Variants in LMNTD1 observed in about 807,000 individuals in gnomAD.
The protein encoded by LMNTD1 is lamin tail domain-containing protein 1.
A neutral mutation model predicts 50.9 loss-of-function variants in LMNTD1; 35 were observed. The observed-to-expected ratio is 0.69, with a 90% CI of 0.53 to 0.91. The LOEUF is 0.91. LMNTD1 is among the 40% of genes least tolerant of loss of function. The probability of loss-of-function intolerance (pLI) is 0.00; values close to 1 mark genes in which losing one functional copy is unlikely to be tolerated. For synonymous variants in LMNTD1, 153 were observed against 161.9 expected (o/e 0.94, Z 0.42); for missense variants, 470 against 475.5 (o/e 0.99, Z 0.11).
intron 1 of LMNTD1, among the ~76,000 whole-genome samples, chr12:25,590,190 C>T (rs1383555686): frequency 6.6e-6 from 1 of 152,164 alleles, no homozygotes; most frequent in South Asian, 2.1e-4. Flanking sequence ...TGACACCAAC[C>T]GTCCCCCACT....
At position 25,546,533 on chromosome 12, in the gene LMNTD1, G is replaced by A. The variant is rs367548196; in HGVS notation, c.332C>T (p.Pro111Leu). The change falls in exon 4 of 10, where the codon CCG becomes CTG. Residue 111 changes from proline to leucine, a missense_variant. Coordinates refer to ENST00000458174, the MANE Select transcript of LMNTD1 (RefSeq NM_001145728.2). Reference sequence around the variant, plus strand: ...CATGGGTGATTCATCCTGTTTCTTCGGAACTGAGAAGGGGCTGGCATCTTT... The same window carrying A: ...CATGGGTGATTCATCCTGTTTCTTCAGAACTGAGAAGGGGCTGGCATCTTT... The part of the protein sequence containing the change: ...NSLDASPFSV[P>L]KKQDESPMIG... 8 of 1,559,068 alleles carry A rather than the reference G, an allele frequency of 5.1e-6. No homozygotes were observed. The highest frequency in any genetic ancestry group is 4.1e-5 in the African/African-American group (3 of 72,586).
rs545257202 is a variant in LMNTD1 at position 25,544,020 on chromosome 12, A to G, written c.491+2354T>C. ...GAGAGTCTATTCAGGAAAATGTTCCACGTGCTGATGAAAAGAATGTATATT... is the reference window on the plus strand; with the variant it reads ...GAGAGTCTATTCAGGAAAATGTTCCGCGTGCTGATGAAAAGAATGTATATT... On this transcript the variant is annotated intron_variant, in intron 4 of 9. Transcript: ENST00000458174. Among the ~76,000 whole-genome samples, 49 of 152,076 alleles carry G rather than the reference A, an allele frequency of 3.2e-4. No individual in the cohort carries two copies. The Middle Eastern group carries it at 0.027, about 84-fold the overall frequency.
intron 1 of LMNTD1, among the ~76,000 whole-genome samples, chr12:25,580,227 A>G (rs1397763837): frequency 6.6e-6 from 1 of 152,154 alleles, no homozygotes; most frequent in Non-Finnish European, 1.5e-5. Flanking sequence ...GTAGTTTTTC[A>G]TGACCCCCTC....
chr12:25,494,571 A>G (rs1023080738), intron 9 of LMNTD1, among the ~76,000 whole-genome samples: 7 of 152,174 alleles, frequency 4.6e-5, no homozygotes, highest in Admixed American at 4.6e-4. Context: ...TCCAAAGAAT[A>G]TGATTATGAA....
chr12:25,552,873 T>G lies in LMNTD1; in HGVS notation c.87A>C (p.Lys29Asn). The change falls in exon 2 of 10, where the codon AAA becomes AAC. Residue 29 changes from lysine to asparagine, a missense_variant and splice_region_variant. By Grantham distance (94) the Lys-to-Asn change is moderately conservative. Transcript: ENST00000458174. Reference sequence around the variant, plus strand: ...CCATCGCATCTATGCATGCTCACTGTTTTTGTTTCTCATTCTTATCTTCCT... The same window carrying G: ...CCATCGCATCTATGCATGCTCACTGGTTTTGTTTCTCATTCTTATCTTCCT... ...HEQEDKNEKQ[K>N]QREDKLGVYS... is the part of the protein sequence containing the mutation. The G allele has an allele frequency of 6.5e-7, 1 of 1,534,814 alleles. No individual in the cohort carries two copies. The highest frequency in any genetic ancestry group is 1.2e-5 in the South Asian group (1 of 83,708).
At chr12:25,611,351 A>C (rs1361953415) in intron 1 of LMNTD1, among the ~76,000 whole-genome samples, 2 of 152,182 alleles carry the variant, frequency 1.3e-5, no homozygotes, top group Non-Finnish European at 2.9e-5. Flanking sequence ...GGATCAAAGG[A>C]AGCCTTTGGT....
At chr12:25,570,192 C>T (rs1944729181) in intron 1 of LMNTD1, among the ~76,000 whole-genome samples, 2 of 152,200 alleles carry the variant, frequency 1.3e-5, no homozygotes, top group Admixed American at 1.3e-4. Context: ...TTCAGGCATG[C>T]TCCTTGGTCT....
chr12:25,559,185 T>C (rs948997184), intron 1 of LMNTD1, among the ~76,000 whole-genome samples: 1 of 152,090 alleles, frequency 6.6e-6, no homozygotes, highest in Non-Finnish European at 1.5e-5. Flanking sequence ...CCTAATGCTA[T>C]ACCTCCCCCC....
intron 1 of LMNTD1, among the ~76,000 whole-genome samples, chr12:25,609,376 G>C (rs185681837): frequency 6.6e-6 from 1 of 152,298 alleles, no homozygotes; most frequent in East Asian, 1.9e-4. Flanking sequence ...CTCGTGAGGA[G>C]CTGCAATCCT....
intron 1 of LMNTD1, among the ~76,000 whole-genome samples, chr12:25,628,462 A>G (rs1298797357): frequency 3.3e-5 from 5 of 152,180 alleles, no homozygotes; most frequent in African/African-American, 1.2e-4. Context: ...CCTTCCAAAC[A>G]TCAGAATTGT....
chr12:25,533,103 C>A (rs995557643), intron 4 of LMNTD1, among the ~76,000 whole-genome samples: 6 of 152,112 alleles, frequency 3.9e-5, no homozygotes, highest in Non-Finnish European at 7.4e-5. Context: ...AATAAATGTT[C>A]TTGTCTGAAG....
intron 1 of LMNTD1, among the ~76,000 whole-genome samples, chr12:25,588,209 A>G (rs1303414535): frequency 1.3e-5 from 2 of 152,222 alleles, no homozygotes; most frequent in East Asian, 3.8e-4. Flanking sequence ...ATCTGCTACT[A>G]TAGCAACTAA....
intron 8 of LMNTD1, among the ~76,000 whole-genome samples, chr12:25,504,518 A>G (rs1939602254): frequency 6.7e-6 from 1 of 149,794 alleles, no homozygotes; most frequent in Admixed American, 6.7e-5. Context: ...CCTGTAAAAC[A>G]AAAGAGAAGA....
At chr12:25,537,857 C>T (rs1274905431) in intron 4 of LMNTD1, among the ~76,000 whole-genome samples, 3 of 149,174 alleles carry the variant, frequency 2.0e-5, no homozygotes, top group Non-Finnish European at 3.0e-5. Flanking sequence ...ACTAGAATAA[C>T]CAATACAGAG....
intron 8 of LMNTD1, among the ~76,000 whole-genome samples, chr12:25,508,366 G>A (rs1263351806): frequency 6.6e-6 from 1 of 151,896 alleles, no homozygotes; most frequent in African/African-American, 2.4e-5. Context: ...TTTTATATAC[G>A]CAAAAATCAT....
In LMNTD1 at chr12:25,476,132, G is replaced by A. The variant is rs1938257664; in HGVS notation, c.*351C>T. 1.3e-5 allele frequency: 2 copies of A among 152,170 alleles called. No individual in the cohort carries two copies. The highest frequency in any genetic ancestry group is 4.1e-4 in the South Asian group (2 of 4,822). 9.4% of individuals were successfully genotyped at this position (152,170 alleles called of 1,614,324 possible). On this transcript the variant is annotated 3_prime_UTR_variant, in exon 10 of 10. Coordinates refer to ENST00000458174, the MANE Select transcript of LMNTD1 (RefSeq NM_001145728.2). Reference sequence around the variant, plus strand: ...ATGTAAAATGGTTAAACAATTGCACGTGCTCTTCTTTTGTGAGTTCTGTAC... The same window carrying A: ...ATGTAAAATGGTTAAACAATTGCACATGCTCTTCTTTTGTGAGTTCTGTAC...
intron 9 of LMNTD1, among the ~76,000 whole-genome samples, chr12:25,480,340 G>A (rs1311692854): frequency 2.6e-5 from 4 of 152,312 alleles, no homozygotes; most frequent in African/African-American, 2.4e-5. Flanking sequence ...GTATGCCACA[G>A]CTTTCCAGTG....
At chr12:25,530,903 A>G (rs1191022937) in intron 4 of LMNTD1, among the ~76,000 whole-genome samples, 2 of 152,208 alleles carry the variant, frequency 1.3e-5, no homozygotes, top group Non-Finnish European at 2.9e-5. Context: ...ATCTAATCAA[A>G]TGAACCTTAA....
intron 1 of LMNTD1, among the ~76,000 whole-genome samples, chr12:25,642,474 C>G (rs1172851942): frequency 6.6e-6 from 1 of 152,172 alleles, no homozygotes; most frequent in African/African-American, 2.4e-5. Context: ...GCACTCCGAT[C>G]TTGGACTTCC....
Sources: gnomAD v4.1 joint callset for allele counts (sites outside exome capture counted in the v4.1 genomes callset) on GRCh38, gnomAD v4.1.1 for gene constraint, MANE v1.5 for transcripts, NCBI Gene and HGNC (gene_info 2026-07-23, HGNC 2026-07-21) for gene names.